The following MVB12B variants were observed in gnomAD, a reference collection of about 807,000 sequenced individuals.
MVB12B encodes multivesicular body subunit 12B, also known as ESCRT-I complex subunit MVB12B.
In MVB12B, 16 loss-of-function variants were observed where a neutral mutation model predicts 41.6. The observed-to-expected ratio is 0.38, with a 90% CI of 0.26 to 0.58. MVB12B has a LOEUF of 0.58. Ranked by LOEUF, MVB12B falls within the 20% of genes least tolerant of loss-of-function variation. The probability of loss-of-function intolerance (pLI) is 0.62; values close to 1 mark genes in which losing one functional copy is unlikely to be tolerated. For missense variants in MVB12B, 274 were observed against 380.2 expected (o/e 0.72, Z 2.32); for synonymous variants, 133 against 139.7 (o/e 0.95, Z 0.34).
chr9:126,416,095 C>T (rs975189880), intron 6 of MVB12B, among the ~76,000 whole-genome samples: 22 of 152,228 alleles, frequency 1.4e-4, no homozygotes, highest in Non-Finnish European at 2.2e-4. Flanking sequence ...CAGCCGTGGG[C>T]GGGTTTGGAT....
At chr9:126,329,493 C>T (rs1205067507) in intron 1 of MVB12B, among the ~76,000 whole-genome samples, 1 of 152,190 alleles carries the variant, frequency 6.6e-6, no homozygotes, top group African/African-American at 2.4e-5. Flanking sequence ...GTTACAGAAC[C>T]ACGCCACCAT....
intron 6 of MVB12B, among the ~76,000 whole-genome samples, chr9:126,405,554 T>C (rs995865086): frequency 6.6e-6 from 1 of 152,144 alleles, no homozygotes; most frequent in Non-Finnish European, 1.5e-5. Flanking sequence ...AGTGTAAATC[T>C]AGCTGCCAAA....
chr9:126,361,601 T>G (rs1285318939), intron 2 of MVB12B, among the ~76,000 whole-genome samples: 1 of 152,184 alleles, frequency 6.6e-6, no homozygotes, highest in African/African-American at 2.4e-5. Context: ...TTTTGAACAT[T>G]TCTCATAGTG....
At chr9:126,441,862 T>C (rs997441603) in intron 7 of MVB12B, among the ~76,000 whole-genome samples, 3 of 152,250 alleles carry the variant, frequency 2.0e-5, no homozygotes, top group African/African-American at 4.8e-5. Context: ...TAGAGCATGA[T>C]GTAGCTGACT....
At chr9:126,360,767 G>A (rs928694749) in intron 2 of MVB12B, among the ~76,000 whole-genome samples, 1 of 152,108 alleles carries the variant, frequency 6.6e-6, no homozygotes, top group Non-Finnish European at 1.5e-5. Context: ...GCCATTAGTT[G>A]CATAAACATT....
intron 7 of MVB12B, among the ~76,000 whole-genome samples, chr9:126,433,263 C>A (rs1564328101): frequency 3.4e-5 from 5 of 146,530 alleles, no homozygotes; most frequent in Admixed American, 2.7e-4. Flanking sequence ...GCCCTCCCAG[C>A]CCCTTCTCAG....
intron 6 of MVB12B, chr9:126,396,593 C>T (rs1437704153): frequency 7.1e-6 from 7 of 985,368 alleles, no homozygotes; most frequent in African/African-American, 3.5e-5. Flanking sequence ...GGACATACCA[C>T]CAGCTCTCTG....
chr9:126,435,765 G>A (rs574629171), intron 7 of MVB12B, among the ~76,000 whole-genome samples: 43 of 152,042 alleles, frequency 2.8e-4, no homozygotes, highest in Middle Eastern at 3.4e-3. Flanking sequence ...CCAGGCCGGC[G>A]GCACCCAGAG....
intron 7 of MVB12B, among the ~76,000 whole-genome samples, chr9:126,454,881 C>CA (rs953780678): frequency 1.3e-5 from 2 of 152,012 alleles, no homozygotes; most frequent in African/African-American, 4.8e-5. Flanking sequence ...CAGAGATGCA[C>CA]GTGCCGCTCT....
chr9:126,413,500 A>G (rs944649486), intron 6 of MVB12B, among the ~76,000 whole-genome samples: 1 of 152,214 alleles, frequency 6.6e-6, no homozygotes, highest in Non-Finnish European at 1.5e-5. Context: ...TCAAATCTCA[A>G]AAAGGGAAGA....
At chr9:126,335,130 T>C in intron 1 of MVB12B, 1 of 736,646 alleles carries the variant, frequency 1.4e-6, no homozygotes, top group Non-Finnish European at 1.8e-6. Flanking sequence ...CTTAGAAAAA[T>C]ATTTGCCTTA....
rs116381024 is a variant in MVB12B, at chr9:126,407,119, C to T, written c.662+11422C>T. 8.6e-3 allele frequency among the ~76,000 whole-genome samples: 1,307 copies of T among 152,198 alleles called. 14 individuals are homozygous for T. Among genetic ancestry groups the T allele is most frequent in the African/African-American group, 0.03 (1,235 of 41,506 alleles). On this transcript the variant is annotated intron_variant, in intron 6 of 9. Transcript: ENST00000361171. ...GATGTAGTGGTGGTTTTGCTTGACCCCAGGGTATTTACAGAAGCCTAGGAT... is the reference window on the plus strand; with the variant it reads ...GATGTAGTGGTGGTTTTGCTTGACCTCAGGGTATTTACAGAAGCCTAGGAT...
intron 2 of MVB12B, among the ~76,000 whole-genome samples, chr9:126,351,483 CTTTTT>C (rs34141510): frequency 1.2e-5 from 1 of 86,296 alleles, no homozygotes; most frequent in Non-Finnish European, 2.1e-5. Flanking sequence ...GTCTTTCACT[CTTTTT>C]TTTTTTTTTT....
intron 2 of MVB12B, among the ~76,000 whole-genome samples, chr9:126,363,185 T>C (rs1830071242): frequency 6.6e-6 from 1 of 150,704 alleles, no homozygotes; most frequent in Admixed American, 6.7e-5. Flanking sequence ...AGACTCCGTC[T>C]CAAAAAAAAA....
At chr9:126,356,817 G>A (rs1354663359) in intron 2 of MVB12B, among the ~76,000 whole-genome samples, 1 of 151,890 alleles carries the variant, frequency 6.6e-6, no homozygotes, top group African/African-American at 2.4e-5. Flanking sequence ...TTCTCTCACT[G>A]CTGCTCCTGC....
intron 6 of MVB12B, chr9:126,397,440 A>T (rs931736663): frequency 2.0e-6 from 2 of 985,176 alleles, no homozygotes; most frequent in African/African-American, 3.5e-5. Flanking sequence ...GTATTTTATC[A>T]CCTCTGCTGT....
At chr9:126,337,113 A>G (rs1829306482) in intron 1 of MVB12B, among the ~76,000 whole-genome samples, 1 of 152,148 alleles carries the variant, frequency 6.6e-6, no homozygotes, top group Admixed American at 6.5e-5. Context: ...GGGGTTCCCT[A>G]TAGAGAACTT....
chr9:126,427,506 A>G (rs1432326651), intron 7 of MVB12B, among the ~76,000 whole-genome samples: 1 of 152,074 alleles, frequency 6.6e-6, no homozygotes, highest in African/African-American at 2.4e-5. Context: ...TGCTTAACAA[A>G]CGGGACTGTG....
At chr9:126,476,652 G>A (rs147035044) in intron 7 of MVB12B, among the ~76,000 whole-genome samples, 18,832 of 152,026 alleles carry the variant, frequency 0.12, 1,703 homozygotes, top group East Asian at 0.44. Flanking sequence ...TGAGGCGGGC[G>A]GATCACAAGG....
Sources: allele counts gnomAD v4.1 joint callset (sites outside exome capture counted in the v4.1 genomes callset), GRCh38; gene constraint gnomAD v4.1.1; transcripts MANE v1.5; gene names NCBI Gene and HGNC (gene_info 2026-07-23, HGNC 2026-07-21).